GPAT3: variants seen among roughly 807,000 people sequenced by gnomAD.
The protein encoded by GPAT3 is 1-AGP acyltransferase 9.
Under a neutral mutation model 58.8 loss-of-function variants are expected in GPAT3, and 53 were observed. That is an observed-to-expected ratio of 0.90 (90% confidence interval 0.72 to 1.13). The LOEUF (loss-of-function observed/expected upper bound fraction) is 1.13. Ranked by LOEUF, GPAT3 falls within the 50% of genes most tolerant of loss-of-function variation. The pLI is 0.00. For synonymous variants in GPAT3, 197 were observed against 187.4 expected (o/e 1.05, Z -0.42); for missense variants, 511 against 527.6 (o/e 0.97, Z 0.31).
intron 6 of GPAT3, among the ~76,000 whole-genome samples, chr4:83,593,778 TC>T (rs1726705022): frequency 6.6e-6 from 1 of 152,198 alleles, no homozygotes; most frequent in African/African-American, 2.4e-5. Context: ...CTTGGATGTT[TC>T]CCCCTTCCTT....
intron 6 of GPAT3, among the ~76,000 whole-genome samples, chr4:83,591,348 A>C (rs1302445439): frequency 6.6e-6 from 1 of 152,186 alleles, no homozygotes; most frequent in Non-Finnish European, 1.5e-5. Context: ...ATCTGTCTAA[A>C]ATACATGGCC....
intron 2 of GPAT3, among the ~76,000 whole-genome samples, chr4:83,565,748 A>G (rs866771072): frequency 2.3e-4 from 35 of 152,328 alleles, no homozygotes; most frequent in African/African-American, 7.7e-4. Flanking sequence ...GAGACAAAAT[A>G]AGAGTTTAAA....
intron 2 of GPAT3, among the ~76,000 whole-genome samples, chr4:83,572,771 G>A (rs1467462290): frequency 6.6e-6 from 1 of 152,182 alleles, no homozygotes; most frequent in African/African-American, 2.4e-5. Context: ...AAAAATGTTT[G>A]GGAAGGGAAG....
At chr4:83,550,996 T>C (rs1419847146) in intron 2 of GPAT3, among the ~76,000 whole-genome samples, 2 of 152,242 alleles carry the variant, frequency 1.3e-5, no homozygotes, top group African/African-American at 4.8e-5. Flanking sequence ...TATAAAAATT[T>C]AGTTCAATCA....
At chr4:83,541,661 T>C (rs573404143) in intron 1 of GPAT3, among the ~76,000 whole-genome samples, 1 of 152,306 alleles carries the variant, frequency 6.6e-6, no homozygotes, top group East Asian at 1.9e-4. Flanking sequence ...GAGCAGATCA[T>C]GCTATTTGAG....
chr4:83,539,808 A>G (rs912929715), intron 1 of GPAT3, among the ~76,000 whole-genome samples: 3 of 152,242 alleles, frequency 2.0e-5, no homozygotes, highest in African/African-American at 7.2e-5. Context: ...TTGGATACGT[A>G]TGTTAATATT....
At chr4:83,566,602 A>G (rs1725398469) in intron 2 of GPAT3, among the ~76,000 whole-genome samples, 1 of 151,378 alleles carries the variant, frequency 6.6e-6, no homozygotes, top group South Asian at 2.1e-4. Context: ...TTATTTTTCC[A>G]TATGATCTTG....
rs1381334535 is a variant in GPAT3 at position 83,596,866 on chromosome 4, A to G, written c.863A>G (p.Glu288Gly). 37 of 1,604,664 alleles carry G rather than the reference A, an allele frequency of 2.3e-5. No homozygotes were observed. The highest frequency in any genetic ancestry group is 3.1e-5 in the Non-Finnish European group (36 of 1,177,398). ...DRHLVTKRLK[E>G]HIADKKKLPI... ...CCTTTTTTTTTCCATAGACTAAAAG[A>G]ACATATTGCTGATAAGAAGAAACTA... Residue 288 changes from glutamate to glycine, a missense_variant, in exon 8 of 12, where the codon GAA (glutamate) becomes GGA (glycine). Physicochemically the swap from Glu to Gly is moderately conservative, Grantham distance 98 (BLOSUM62 -2). Coordinates refer to ENST00000264409, the MANE Select transcript of GPAT3 (RefSeq NM_032717.5).
intron 11 of GPAT3, among the ~76,000 whole-genome samples, chr4:83,599,626 A>G (rs923254409): frequency 4.6e-5 from 7 of 152,196 alleles, no homozygotes; most frequent in Admixed American, 3.3e-4. Flanking sequence ...TCTAGCTATA[A>G]CTATATTGTA....
chr4:83,550,046 A>T (rs969722326), intron 2 of GPAT3, among the ~76,000 whole-genome samples: 2 of 151,738 alleles, frequency 1.3e-5, no homozygotes, highest in African/African-American at 2.4e-5. Context: ...TTAAATAGAG[A>T]TGAGGTCTCA....
At chr4:83,559,820 C>T (rs1560609452) in intron 2 of GPAT3, among the ~76,000 whole-genome samples, 1 of 152,172 alleles carries the variant, frequency 6.6e-6, no homozygotes, top group Non-Finnish European at 1.5e-5. Flanking sequence ...GGTGGCAAGG[C>T]ATGCTTTGTA....
At chr4:83,549,395 A>G (rs530679693) in intron 2 of GPAT3, among the ~76,000 whole-genome samples, 20 of 151,282 alleles carry the variant, frequency 1.3e-4, no homozygotes, top group Admixed American at 8.6e-4. Flanking sequence ...AACATAATTC[A>G]GTTATGGGGT....
At chr4:83,576,547 G>T (rs1403193922) in intron 2 of GPAT3, among the ~76,000 whole-genome samples, 1 of 151,886 alleles carries the variant, frequency 6.6e-6, no homozygotes, top group Non-Finnish European at 1.5e-5. Context: ...CGATTCAAGC[G>T]ATTCTCATGC....
At chr4:83,542,238 A>T (rs1175971362) in intron 1 of GPAT3, among the ~76,000 whole-genome samples, 1 of 152,198 alleles carries the variant, frequency 6.6e-6, no homozygotes, top group Non-Finnish European at 1.5e-5. Context: ...TTGTTTACAA[A>T]ATTTTATTTT....
chr4:83,556,601 T>G (rs767747350), intron 2 of GPAT3, among the ~76,000 whole-genome samples: 22 of 152,062 alleles, frequency 1.4e-4, no homozygotes, highest in Non-Finnish European at 2.5e-4. Flanking sequence ...ATTAGTGTCC[T>G]CAGCTCCACC....
At position 83,598,658 on chromosome 4, in the gene GPAT3, A is replaced by G. The variant is rs748038318; in HGVS notation, c.1140A>G (p.Ala380=). 46 of 1,597,992 alleles carry G rather than the reference A, an allele frequency of 2.9e-5. No individual in the cohort carries two copies. The highest frequency in any genetic ancestry group is 3.8e-5 in the Non-Finnish European group (45 of 1,172,154). ...PPMTREEGED[A]VQFANRVKSA... ...TTTTAAACCAGGAAGGAGAAGATGC[A>G]GTCCAGTTTGCTAACAGGGTTAAGT... The change falls in exon 11 of 12, where the codon GCA becomes GCG. Residue 380 remains alanine (A), a synonymous_variant. Transcript: ENST00000264409.
At chr4:83,542,653 G>C (rs951367147) in intron 1 of GPAT3, among the ~76,000 whole-genome samples, 1 of 152,182 alleles carries the variant, frequency 6.6e-6, no homozygotes, top group Non-Finnish European at 1.5e-5. Context: ...CTAGTCAACA[G>C]ACTCTTTTGA....
chr4:83,576,707 G>A (rs2110093017), intron 2 of GPAT3, among the ~76,000 whole-genome samples: 1 of 152,178 alleles, frequency 6.6e-6, no homozygotes, highest in South Asian at 2.1e-4. Context: ...GCCTCCCAAA[G>A]TACTGGGATT....
chr4:83,543,922 T>C (rs567402519), intron 1 of GPAT3, among the ~76,000 whole-genome samples: 1 of 152,340 alleles, frequency 6.6e-6, no homozygotes, highest in Non-Finnish European at 1.5e-5. Flanking sequence ...ATTACAGGCA[T>C]GAGCCAATCG....
Sources: gnomAD v4.1 joint callset for allele counts (sites outside exome capture counted in the v4.1 genomes callset) on GRCh38, gnomAD v4.1.1 for gene constraint, MANE v1.5 for transcripts, NCBI Gene and HGNC (gene_info 2026-07-23, HGNC 2026-07-21) for gene names.